The following ADGRV1 variants were observed in gnomAD, a reference collection of about 807,000 sequenced individuals.
The protein encoded by ADGRV1 is G-protein coupled receptor 98.
A neutral mutation model predicts 596.2 loss-of-function variants in ADGRV1; 359 were observed. The ratio of observed to expected loss-of-function variants is 0.60; its 90% CI spans 0.55 to 0.66. ADGRV1 has a LOEUF of 0.66. Ranked by LOEUF, ADGRV1 falls within the 30% of genes least tolerant of loss-of-function variation. The probability of loss-of-function intolerance (pLI) is 0.00; values close to 1 mark genes in which losing one functional copy is unlikely to be tolerated. For synonymous variants in ADGRV1, 2,681 were observed against 2,679.2 expected, an observed-to-expected ratio of 1.00 and a Z score of -0.02; for missense variants, 7,274 against 7,575.6, an observed-to-expected ratio of 0.96 and a Z score of 1.48.
chr5:91,035,868 T>TATATATATATATATATATATATA (rs1784861421), intron 85 of ADGRV1, among the ~76,000 whole-genome samples: 1 of 121,580 alleles, frequency 8.2e-6, no homozygotes, highest in African/African-American at 3.0e-5. Context: ...ATATTATATA[T>TATATATATATATATATATATATA]ATATATATAT....
chr5:90,655,621 C>G (rs915348877), intron 20 of ADGRV1: 1 of 152,086 alleles, frequency 6.6e-6, no homozygotes, highest in Admixed American at 6.6e-5. Context: ...TAGATAATGC[C>G]TATCCTTTTT....
chr5:90,874,813 G>T (rs570276267), intron 83 of ADGRV1, among the ~76,000 whole-genome samples: 3 of 151,418 alleles, frequency 2.0e-5, no homozygotes, highest in Non-Finnish European at 2.9e-5. Flanking sequence ...AGTGGAGATC[G>T]CACCACTGCA....
intron 87 of ADGRV1, among the ~76,000 whole-genome samples, chr5:91,129,982 C>G (rs1794077659): frequency 6.6e-6 from 1 of 151,988 alleles, no homozygotes; most frequent in African/African-American, 2.4e-5. Flanking sequence ...TAGACATTGG[C>G]CTGTTTGAGA....
intron 85 of ADGRV1, among the ~76,000 whole-genome samples, chr5:91,066,584 A>G (rs1321262092): frequency 6.6e-6 from 1 of 152,230 alleles, no homozygotes; most frequent in African/African-American, 2.4e-5. Flanking sequence ...GGTGTTAAGT[A>G]TATGAGACAT....
intron 88 of ADGRV1, among the ~76,000 whole-genome samples, chr5:91,151,842 T>C (rs1029228967): frequency 1.1e-4 from 16 of 152,240 alleles, no homozygotes; most frequent in African/African-American, 3.4e-4. Flanking sequence ...GAAAGTTTTA[T>C]TGGACACTGC....
intron 83 of ADGRV1, among the ~76,000 whole-genome samples, chr5:90,886,662 G>C (rs1770317774): frequency 6.6e-6 from 1 of 152,066 alleles, no homozygotes; most frequent in Admixed American, 6.6e-5. Context: ...CTCCTTGATA[G>C]CTCTTCTTGG....
intron 28 of ADGRV1, 55 bp downstream of exon 28, chr5:90,684,250 A>C: frequency 7.0e-7 from 1 of 1,431,836 alleles, no homozygotes; most frequent in Non-Finnish European, 9.3e-7. Context: ...TCCTGAAACA[A>C]TCAGTTTTAA....
chr5:90,779,230 A>C, intron 64 of ADGRV1, 133 bp downstream of exon 64: 1 of 543,540 alleles, frequency 1.8e-6, no homozygotes. Context: ...GTGTGACATT[A>C]GAACAGGACA....
At chr5:91,077,450 G>C (rs1261041585) in intron 86 of ADGRV1, among the ~76,000 whole-genome samples, 1 of 152,218 alleles carries the variant, frequency 6.6e-6, no homozygotes, top group Non-Finnish European at 1.5e-5. Context: ...TGTATTTTGA[G>C]TGACTTTTTT....
Position 90,791,206 on chromosome 5 carries a change from A to G in ADGRV1, c.14377A>G (p.Thr4793Ala), listed in dbSNP as rs1223372239. ...AATTAACATAACCCGGCTTGCTGGA[A>G]CATTTGGAGATGTGGCTGTTGGGCT... is the stretch of plus-strand genomic sequence containing the variant. ...IQINITRLAG[T>A]FGDVAVGLRI... is the part of the protein sequence containing the mutation. Residue 4793 changes from threonine to alanine, a missense_variant, in exon 70 of 90, where the codon ACA becomes GCA. Transcript: ENST00000405460. 2 of 1,613,886 alleles carry G rather than the reference A, an allele frequency of 1.2e-6. No individual in the cohort carries two copies. The highest frequency in any genetic ancestry group is 2.2e-5 in the East Asian group (1 of 44,880).
In ADGRV1 at chr5:90,919,954, A is replaced by G. The variant is rs1403129237; in HGVS notation, c.17857-45461A>G. Among the ~76,000 whole-genome samples the G allele has an allele frequency of 7.5e-5, 11 of 145,926 alleles. No homozygotes were observed. In the East Asian group the frequency reaches 2.0e-3, roughly 27 times the overall value. The stretch of plus-strand genomic sequence containing the variant: ...GGTTGTGATGAGCCAAGATCGTGCC[A>G]TTGCACTCCAACCTGGGCAACAAGA... On this transcript the variant is annotated intron_variant, in intron 83 of 89. Transcript: ENST00000405460.
chr5:91,083,811 T>A (rs1404221541), intron 86 of ADGRV1, among the ~76,000 whole-genome samples: 1 of 152,180 alleles, frequency 6.6e-6, no homozygotes, highest in Admixed American at 6.5e-5. Flanking sequence ...CATGCACATA[T>A]AGTCCCAGCT....
chr5:90,675,687 C>G (rs1340930860), intron 24 of ADGRV1, among the ~76,000 whole-genome samples: 3 of 152,032 alleles, frequency 2.0e-5, no homozygotes, highest in Non-Finnish European at 2.9e-5. Context: ...ACTCTGGATG[C>G]TGAGGCAGGA....
At chr5:90,926,580 A>T (rs941103968) in intron 83 of ADGRV1, among the ~76,000 whole-genome samples, 63 of 151,606 alleles carry the variant, frequency 4.2e-4, no homozygotes, top group African/African-American at 1.4e-3. Context: ...CTTTCAAAAA[A>T]CCAGCTCCTG....
chr5:90,721,518 A>ATAAAT (rs1750952462), intron 45 of ADGRV1, among the ~76,000 whole-genome samples: 1 of 98,014 alleles, frequency 1.0e-5, no homozygotes, highest in South Asian at 3.1e-4. Flanking sequence ...ATAAAATAAA[A>ATAAAT]TAAAATAAAA....
chr5:90,868,660 T>TG (rs1768367511), intron 83 of ADGRV1, among the ~76,000 whole-genome samples: 1 of 151,964 alleles, frequency 6.6e-6, no homozygotes, highest in African/African-American at 2.4e-5. Flanking sequence ...TTTTTTTTTT[T>TG]TTTGTACAAT....
At position 90,652,583 on chromosome 5, in the gene ADGRV1, C is replaced by A; in HGVS notation, c.3634+20C>A. 2 of 1,462,914 alleles carry A rather than the reference C, an allele frequency of 1.4e-6. No homozygotes were observed. Among genetic ancestry groups the A allele is most frequent in the South Asian group, 1.3e-5 (1 of 79,552 alleles). The allele number at this position is 1,462,914 out of a possible 1,614,324, so 90.6% of individuals were successfully genotyped here. A position where few individuals can be genotyped will look rare whatever the true frequency, so the allele number is the denominator to read the frequency against. ...TTTCAGGTACTGTGTTTTTCCATGT[C>A]TTATTTTATTTCCATGTCTTATTTA... On this transcript the variant is annotated intron_variant, in intron 19 of 89. Coordinates refer to ENST00000405460, the MANE Select transcript of ADGRV1 (RefSeq NM_032119.4).
In ADGRV1 at chr5:90,999,657, C is replaced by T. The variant is rs546767050; in HGVS notation, c.18152+14135C>T. ...TAGTGATAAAATGGAAAATTGGGCA[C>T]CTTTTGTTGTCAGAAGCTCTATAAT... On this transcript the variant is annotated intron_variant, in intron 85 of 89. Coordinates refer to ENST00000405460, the MANE Select transcript of ADGRV1 (RefSeq NM_032119.4). Among the ~76,000 whole-genome samples, 3 of 152,114 alleles carry T rather than the reference C, an allele frequency of 2.0e-5. No individual in the cohort carries two copies. The South Asian group carries it at 6.2e-4, about 32-fold the overall frequency.
intron 83 of ADGRV1, among the ~76,000 whole-genome samples, chr5:90,886,990 C>T (rs763523973): frequency 2.6e-5 from 4 of 152,184 alleles, no homozygotes; most frequent in Non-Finnish European, 5.9e-5. Context: ...CTGCCTGCTT[C>T]ACCTCTTCTC....
Sources: allele counts gnomAD v4.1 joint callset (sites outside exome capture counted in the v4.1 genomes callset), GRCh38; gene constraint gnomAD v4.1.1; transcripts MANE v1.5; gene names NCBI Gene and HGNC (gene_info 2026-07-23, HGNC 2026-07-21).